The following PTGER3 variants were observed in gnomAD, a reference collection of about 807,000 sequenced individuals.
PTGER3 encodes prostaglandin E receptor 3.
A neutral mutation model predicts 34.7 loss-of-function variants in PTGER3; 22 were observed. The observed-to-expected ratio is 0.63, with a 90% CI of 0.45 to 0.91. The LOEUF (loss-of-function observed/expected upper bound fraction) is 0.91. Among genes scored for constraint, PTGER3 ranks in the 40% least tolerant of loss-of-function variants. The pLI is 0.00. For missense variants in PTGER3, 468 were observed against 519.4 expected, an observed-to-expected ratio of 0.90 and a Z score of 0.96; for synonymous variants, 241 against 230.1, an observed-to-expected ratio of 1.05 and a Z score of -0.43.
chr1:70,954,261 CA>C (rs1401476473), intron 2 of PTGER3, among the ~76,000 whole-genome samples: 1 of 152,108 alleles, frequency 6.6e-6, no homozygotes, highest in Non-Finnish European at 1.5e-5. Context: ...CAAGAGGATC[CA>C]TCTAGCTTAA....
At chr1:70,907,289 ACACTAGCTTATG>A (rs1428980062) in intron 4 of PTGER3, among the ~76,000 whole-genome samples, 1 of 152,246 alleles carries the variant, frequency 6.6e-6, no homozygotes, top group East Asian at 1.9e-4. Context: ...TGAAGGGCAT[ACACTAGCTTATG>A]CAATATCTTC....
chr1:71,045,121 C>T (rs752667465), intron 1 of PTGER3, among the ~76,000 whole-genome samples: 4 of 152,106 alleles, frequency 2.6e-5, no homozygotes, highest in Non-Finnish European at 4.4e-5. Flanking sequence ...GACCATACAG[C>T]GACTTGTGGG....
At chr1:70,890,479 A>G (rs1310825322) in intron 4 of PTGER3, among the ~76,000 whole-genome samples, 2 of 152,170 alleles carry the variant, frequency 1.3e-5, no homozygotes, top group Non-Finnish European at 1.5e-5. Flanking sequence ...AATACAAAAT[A>G]CTGGTCCATT....
At chr1:71,000,602 A>C (rs1166830125) in intron 2 of PTGER3, among the ~76,000 whole-genome samples, 3 of 152,190 alleles carry the variant, frequency 2.0e-5, no homozygotes, top group African/African-American at 7.2e-5. Flanking sequence ...AAGGACTATC[A>C]ATATAAATAA....
intron 1 of PTGER3, among the ~76,000 whole-genome samples, chr1:71,030,315 C>T (rs1010834538): frequency 2.0e-5 from 3 of 152,048 alleles, no homozygotes; most frequent in African/African-American, 7.2e-5. Context: ...TTCTCTTTTC[C>T]CTAATTATAA....
intron 2 of PTGER3, among the ~76,000 whole-genome samples, chr1:70,983,255 A>G (rs1654565281): frequency 6.7e-6 from 1 of 149,052 alleles, no homozygotes; most frequent in Non-Finnish European, 1.5e-5. Context: ...GAAGTCACCC[A>G]GGATGTGCTT....
At position 70,942,089 on chromosome 1, in the gene PTGER3, G is replaced by A. The variant is rs112566690; in HGVS notation, c.*23+11674C>T. Among the ~76,000 whole-genome samples, 750 of 152,188 alleles carry A rather than the reference G, an allele frequency of 4.9e-3. 8 individuals carry two copies. The highest frequency in any genetic ancestry group is 0.017 in the African/African-American group (702 of 41,542). On this transcript the variant is annotated intron_variant, in intron 4 of 4. Coordinates refer to the PTGER3 transcript ENST00000370931. Reference sequence around the variant, plus strand: ...CTTATGTTACAATCCCCATAACCCAGCAACCAGGAGAGGTCATGTGAATAG... The same window carrying A: ...CTTATGTTACAATCCCCATAACCCAACAACCAGGAGAGGTCATGTGAATAG...
chr1:70,940,492 C>A (rs554412806), intron 4 of PTGER3, among the ~76,000 whole-genome samples: 1 of 152,236 alleles, frequency 6.6e-6, no homozygotes, highest in East Asian at 1.9e-4. Flanking sequence ...TAAAGACATA[C>A]CCGAGACTGG....
At chr1:70,930,259 C>A (rs968005308) in intron 4 of PTGER3, among the ~76,000 whole-genome samples, 2 of 152,228 alleles carry the variant, frequency 1.3e-5, no homozygotes, top group Non-Finnish European at 2.9e-5. Flanking sequence ...CTGACCCAGA[C>A]TCCCCAGTGG....
chr1:71,041,799 A>T (rs780636046), intron 1 of PTGER3, among the ~76,000 whole-genome samples: 3 of 152,248 alleles, frequency 2.0e-5, no homozygotes, highest in Non-Finnish European at 2.9e-5. Context: ...GAACACTGGC[A>T]GGTTGCAAAA....
chr1:70,873,812 T>C (rs957605235), intron 4 of PTGER3, among the ~76,000 whole-genome samples: 5 of 152,096 alleles, frequency 3.3e-5, no homozygotes, highest in African/African-American at 1.2e-4. Context: ...CATGCCTGGC[T>C]AATTTTTTGT....
chr1:70,876,969 C>G (rs926913548), intron 4 of PTGER3, among the ~76,000 whole-genome samples: 9 of 152,040 alleles, frequency 5.9e-5, no homozygotes, highest in South Asian at 2.1e-4. Context: ...AATTTTGAAA[C>G]AATTTTTTCC....
chr1:71,041,850 G>C (rs1457797625), intron 1 of PTGER3, among the ~76,000 whole-genome samples: 1 of 152,190 alleles, frequency 6.6e-6, no homozygotes, highest in Admixed American at 6.5e-5. Context: ...GGACTTCCCT[G>C]CATTTCTGTC....
intron 3 of PTGER3, chr1:70,953,612 T>C: frequency 8.6e-7 from 1 of 1,169,354 alleles, no homozygotes; most frequent in South Asian, 1.6e-5. Context: ...TATCCTAATC[T>C]TTGTGACTGG....
intron 4 of PTGER3, among the ~76,000 whole-genome samples, chr1:70,916,028 C>G (rs1647168002): frequency 6.6e-6 from 1 of 151,468 alleles, no homozygotes; most frequent in African/African-American, 2.4e-5. Flanking sequence ...AGGAACTTAA[C>G]TCAACAAGCA....
intron 4 of PTGER3, among the ~76,000 whole-genome samples, chr1:70,923,675 T>A (rs1647773821): frequency 6.6e-6 from 1 of 152,238 alleles, no homozygotes; most frequent in Non-Finnish European, 1.5e-5. Flanking sequence ...TCCTTTGTTT[T>A]GTTTTTCAGA....
rs200764199 is a variant in PTGER3 at position 71,047,531 on chromosome 1, C to A, written c.47G>T (p.Arg16Leu). ...CATGCCTGTGTAGGAGTGGTTGAGGCGGGTGCAGAAGGGGGCATCCCCTCC... is the reference window on the plus strand; with the variant it reads ...CATGCCTGTGTAGGAGTGGTTGAGGAGGGTGCAGAAGGGGGCATCCCCTCC... ...GYGGDAPFCT[R>L]LNHSYTGMWA... Residue 16 changes from arginine (R) to leucine (L), a missense_variant, in exon 1 of 4, where the codon CGC becomes CTC. Physicochemically the swap from Arg to Leu is moderately radical, Grantham distance 102 (BLOSUM62 -2). Transcript: ENST00000306666. 6.3e-7 allele frequency: 1 copy of A among 1,587,894 alleles called. No homozygotes were observed. The highest frequency in any genetic ancestry group is 1.1e-5 in the South Asian group (1 of 87,880).
At chr1:70,967,601 G>T (rs561829453), downstream of PTGER3, among the ~76,000 whole-genome samples, 2 of 151,958 alleles carry the variant, frequency 1.3e-5, no homozygotes, top group African/African-American at 4.8e-5. Context: ...TTTTAGTATG[G>T]CAATTAAACA....
intron 4 of PTGER3, among the ~76,000 whole-genome samples, chr1:70,941,791 T>C (rs1649782131): frequency 6.6e-6 from 1 of 152,182 alleles, no homozygotes; most frequent in African/African-American, 2.4e-5. Context: ...TAATTCAGAA[T>C]CACTTGCCAG....
Sources: gnomAD v4.1 joint callset for allele counts (sites outside exome capture counted in the v4.1 genomes callset) on GRCh38, gnomAD v4.1.1 for gene constraint, MANE v1.5 for transcripts, NCBI Gene and HGNC (gene_info 2026-07-23, HGNC 2026-07-21) for gene names.